WWOX: variants seen among roughly 807,000 people sequenced by gnomAD.
WWOX encodes the protein WW domain containing oxidoreductase.
A neutral mutation model predicts 46.2 loss-of-function variants in WWOX; 69 were observed. The ratio of observed to expected loss-of-function variants is 1.49; its 90% CI spans 1.23 to 1.82. The LOEUF (loss-of-function observed/expected upper bound fraction) is 1.82, where lower values mean the gene tolerates loss of function less well. Among genes scored for constraint, WWOX ranks in the 40% most tolerant of loss-of-function variants. The probability of loss-of-function intolerance (pLI) is 0.00; values close to 1 mark genes in which losing one functional copy is unlikely to be tolerated. For missense variants in WWOX, 919 were observed against 542.6 expected (o/e 1.69, Z -6.89); for synonymous variants, 359 against 202.6 (o/e 1.77, Z -6.56).
At chr16:78,715,374 T>C (rs892974464) in intron 8 of WWOX, among the ~76,000 whole-genome samples, 1 of 152,138 alleles carries the variant, frequency 6.6e-6, no homozygotes, top group East Asian at 1.9e-4. Flanking sequence ...CTCTAGGTTA[T>C]TCATTCTTCT....
intron 8 of WWOX, among the ~76,000 whole-genome samples, chr16:78,913,931 G>C (rs2045178484): frequency 6.6e-6 from 1 of 151,968 alleles, no homozygotes; most frequent in African/African-American, 2.4e-5. Flanking sequence ...AAAGTGCTTG[G>C]ATTATAGACA....
At chr16:78,482,891 C>T (rs1416248265) in intron 8 of WWOX, among the ~76,000 whole-genome samples, 2 of 152,088 alleles carry the variant, frequency 1.3e-5, no homozygotes, top group East Asian at 1.9e-4. Flanking sequence ...ATGGTACAAT[C>T]TGTTAAAAGG....
chr16:78,308,090 C>T lies in WWOX; in HGVS notation c.517-78770C>T, dbSNP rs1278677530. Among the ~76,000 whole-genome samples the T allele has an allele frequency of 2.0e-5, 3 of 152,264 alleles. No individual in the cohort carries two copies. In the East Asian group the frequency reaches 5.8e-4, roughly 29 times the overall value. ...GACTGGACTGAGACCCCAGCTTTCC[C>T]AGTCAGGCCTTCATTTTTCTCTCAT... On this transcript the variant is annotated intron_variant, in intron 5 of 8. Transcript: ENST00000566780.
intron 5 of WWOX, among the ~76,000 whole-genome samples, chr16:78,336,505 C>CAAAAAAAAAAA (rs386385163): frequency 2.7e-5 from 2 of 74,264 alleles, no homozygotes; most frequent in Admixed American, 1.6e-4. Context: ...GACTATGTCT[C>CAAAAAAAAAAA]AAAAAAAAAA....
At chr16:78,164,105 G>T in intron 4 of WWOX, 78 bp from the exon 5 acceptor site, 1 of 1,321,342 alleles carries the variant, frequency 7.6e-7, no homozygotes, top group Non-Finnish European at 1.1e-6. Context: ...TTTAAGTGGT[G>T]CTCCGGTAAA....
intron 8 of WWOX, among the ~76,000 whole-genome samples, chr16:78,804,263 C>T (rs1296323694): frequency 6.6e-6 from 1 of 152,130 alleles, no homozygotes; most frequent in Non-Finnish European, 1.5e-5. Flanking sequence ...TGAGGGCTGA[C>T]ACTGCCTGAG....
intron 8 of WWOX, among the ~76,000 whole-genome samples, chr16:79,047,819 C>T (rs894787337): frequency 3.3e-5 from 5 of 151,400 alleles, no homozygotes; most frequent in East Asian, 2.0e-4. Flanking sequence ...AGGACCATGA[C>T]GTGAGCAGAT....
At chr16:78,472,809 C>CAAAA (rs756666392) in intron 8 of WWOX, among the ~76,000 whole-genome samples, 30 of 50,802 alleles carry the variant, frequency 5.9e-4, no homozygotes, top group Non-Finnish European at 1.1e-3. Flanking sequence ...AACTCCATCT[C>CAAAA]AAAAAAAAAA....
At chr16:78,810,990 A>G (rs1373832612) in intron 8 of WWOX, among the ~76,000 whole-genome samples, 1 of 152,212 alleles carries the variant, frequency 6.6e-6, no homozygotes, top group Non-Finnish European at 1.5e-5. Context: ...CCGAGGACGC[A>G]TCAAAGAGCT....
chr16:78,826,170 C>A (rs2051651209), intron 8 of WWOX, among the ~76,000 whole-genome samples: 1 of 152,192 alleles, frequency 6.6e-6, no homozygotes, highest in Non-Finnish European at 1.5e-5. Context: ...GTCTGGCCAA[C>A]ATGGTGAAAC....
Position 79,211,733 on chromosome 16 carries a change from C to A in WWOX, c.1182C>A (p.Ala394=). Reference sequence around the variant, plus strand: ...CAGAAGCTCAGAGCGAAGAGACGGCCCGGACCCTGTGGGCGCTCAGCGAGA... The same window carrying A: ...CAGAAGCTCAGAGCGAAGAGACGGCACGGACCCTGTGGGCGCTCAGCGAGA... ...PSPEAQSEET[A]RTLWALSERL... Residue 394 remains alanine (A), a synonymous_variant, in exon 9 of 9, where the codon GCC becomes GCA. Coordinates refer to ENST00000566780, the MANE Select transcript of WWOX (RefSeq NM_016373.4). 1 of 1,614,216 alleles carries A rather than the reference C, an allele frequency of 6.2e-7. No individual in the cohort carries two copies. Among genetic ancestry groups the A allele is most frequent in the South Asian group, 1.1e-5 (1 of 91,090 alleles).
intron 8 of WWOX, among the ~76,000 whole-genome samples, chr16:78,912,151 A>C (rs953984282): frequency 3.9e-5 from 6 of 151,996 alleles, no homozygotes; most frequent in African/African-American, 1.4e-4. Context: ...AGATGATGCC[A>C]TTACAGGTTG....
intron 8 of WWOX, among the ~76,000 whole-genome samples, chr16:78,575,603 G>C (rs1263887107): frequency 1.3e-5 from 2 of 152,116 alleles, no homozygotes; most frequent in Non-Finnish European, 2.9e-5. Context: ...TCGTGCATTT[G>C]ACGCATATTT....
chr16:78,736,866 C>G (rs1032148823), intron 8 of WWOX, among the ~76,000 whole-genome samples: 1 of 152,120 alleles, frequency 6.6e-6, no homozygotes. Context: ...GCCTCAGAAT[C>G]CCAAAGTGCT....
At chr16:78,180,388 A>C (rs1468847101) in intron 5 of WWOX, among the ~76,000 whole-genome samples, 1 of 151,848 alleles carries the variant, frequency 6.6e-6, no homozygotes, top group Non-Finnish European at 1.5e-5. Context: ...AGTTGGGGGC[A>C]TATGTTAGCC....
At chr16:78,823,571 T>G (rs547763148) in intron 8 of WWOX, among the ~76,000 whole-genome samples, 1 of 152,286 alleles carries the variant, frequency 6.6e-6, no homozygotes, top group African/African-American at 2.4e-5. Flanking sequence ...AGCAAATGTT[T>G]AATAAAGGCT....
At chr16:78,773,395 A>C (rs1452902303) in intron 8 of WWOX, among the ~76,000 whole-genome samples, 1 of 152,178 alleles carries the variant, frequency 6.6e-6, no homozygotes, top group Non-Finnish European at 1.5e-5. Context: ...GGTCCCACCC[A>C]TGGGTAAGTC....
At chr16:79,178,563 C>T (rs748623852) in intron 8 of WWOX, among the ~76,000 whole-genome samples, 17 of 152,232 alleles carry the variant, frequency 1.1e-4, no homozygotes, top group Middle Eastern at 3.4e-3. Flanking sequence ...GTGATCCTCC[C>T]GCCTCGACCT....
At chr16:79,205,602 G>GA (rs1465260065) in intron 8 of WWOX, 1 of 152,140 alleles carries the variant, frequency 6.6e-6, no homozygotes, top group South Asian at 2.1e-4. Flanking sequence ...TTCTTTTTGG[G>GA]AAATTGAGTG....
Sources: gnomAD v4.1 joint callset for allele counts (sites outside exome capture counted in the v4.1 genomes callset) on GRCh38, gnomAD v4.1.1 for gene constraint, MANE v1.5 for transcripts, NCBI Gene and HGNC (gene_info 2026-07-23, HGNC 2026-07-21) for gene names.